The following PHACTR1 variants were observed in gnomAD, a reference collection of about 807,000 sequenced individuals.
PHACTR1 encodes phosphatase and actin regulator 1.
Under a neutral mutation model 69.2 loss-of-function variants are expected in PHACTR1, and 16 were observed. The observed-to-expected ratio is 0.23, with a 90% confidence interval of 0.16 to 0.35. The LOEUF is 0.35. Ranked by LOEUF, PHACTR1 falls within the 10% of genes least tolerant of loss-of-function variation. The pLI is 1.00. For missense variants in PHACTR1, 510 were observed against 734.7 expected (o/e 0.69, Z 3.54); for synonymous variants, 312 against 284.5 (o/e 1.10, Z -0.97).
chr6:12,992,456 AC>A (rs1243561118), intron 4 of PHACTR1, among the ~76,000 whole-genome samples: 2 of 152,190 alleles, frequency 1.3e-5, no homozygotes, highest in African/African-American at 4.8e-5. Context: ...AGAGGTCAGA[AC>A]AATCAGGTTC....
chr6:12,781,597 C>T (rs181248450), intron 4 of PHACTR1, among the ~76,000 whole-genome samples: 12 of 152,310 alleles, frequency 7.9e-5, no homozygotes, highest in South Asian at 2.1e-4. Context: ...TCCTAATCCA[C>T]GGGGGCTTAA....
rs574393781 is a variant in PHACTR1, at chr6:12,985,408, C to A, written c.251-67957C>A. ...TGGATCTCCTGTATACCAGTAAGTA[C>A]CTCCTGTAATTTTCTTCCCGATGAA... On this transcript the variant is annotated intron_variant, in intron 4 of 14. Transcript: ENST00000332995. Among the ~76,000 whole-genome samples, 4 of 151,912 alleles carry A rather than the reference C, an allele frequency of 2.6e-5. No homozygotes were observed. The East Asian group carries it at 5.8e-4, about 22-fold the overall frequency.
Position 13,226,803 on chromosome 6 carries a change from T to A in PHACTR1, c.987-1013T>A, listed in dbSNP as rs1251055171. ...GCCAGGCTGGAGTGCAGTGACACGA[T>A]CTTGGCTCACTGCAACCTCTGCCTC... On this transcript the variant is annotated intron_variant, in intron 8 of 14. Transcript: ENST00000332995. Among the ~76,000 whole-genome samples the A allele has an allele frequency of 2.7e-5, 4 of 150,908 alleles. No homozygotes were observed. In the East Asian group the frequency reaches 7.8e-4, roughly 29 times the overall value.
chr6:13,211,728 T>C lies in PHACTR1; in HGVS notation c.986+5592T>C, dbSNP rs140989344. Among the ~76,000 whole-genome samples, 387 of 152,288 alleles carry C rather than the reference T, an allele frequency of 2.5e-3. 2 individuals are homozygous for C. Among genetic ancestry groups the C allele is most frequent in the African/African-American group, 8.8e-3 (365 of 41,564 alleles). ...ACATACACAGGGATAAGACCAACAC[T>C]TCTACATGCTCCTTCTTCTCCTGCC... On this transcript the variant is annotated intron_variant, in intron 8 of 14. Coordinates refer to ENST00000332995, the MANE Select transcript of PHACTR1 (RefSeq NM_030948.6).
intron 4 of PHACTR1, among the ~76,000 whole-genome samples, chr6:12,911,810 A>T (rs768873785): frequency 1.3e-5 from 2 of 152,134 alleles, no homozygotes; most frequent in Non-Finnish European, 2.9e-5. Context: ...AAATAATCTC[A>T]TTGTCATTTA....
chr6:12,901,254 A>G (rs1023329175), intron 4 of PHACTR1, among the ~76,000 whole-genome samples: 8 of 152,222 alleles, frequency 5.3e-5, no homozygotes, highest in Admixed American at 5.2e-4. Flanking sequence ...TACCAAAAAC[A>G]TTACTACAGC....
chr6:12,881,939 G>A (rs1783140151), intron 4 of PHACTR1, among the ~76,000 whole-genome samples: 1 of 152,214 alleles, frequency 6.6e-6, no homozygotes, highest in Non-Finnish European at 1.5e-5. Flanking sequence ...TGAAGTCAGA[G>A]AGGTGGGAAA....
intron 8 of PHACTR1, among the ~76,000 whole-genome samples, chr6:13,211,147 G>A (rs1319133844): frequency 6.6e-6 from 1 of 151,594 alleles, no homozygotes; most frequent in East Asian, 1.9e-4. Context: ...ATCGTTTTTG[G>A]GAAACAGGTG....
intron 4 of PHACTR1, among the ~76,000 whole-genome samples, chr6:12,889,359 A>C (rs528348388): frequency 6.6e-5 from 10 of 152,362 alleles, no homozygotes; most frequent in Admixed American, 2.6e-4. Context: ...CTTCAGTAAG[A>C]TGAATGAGCC....
intron 5 of PHACTR1, among the ~76,000 whole-genome samples, chr6:13,134,815 AAAAAAAAT>A (rs1821290695): frequency 9.2e-6 from 1 of 108,330 alleles, no homozygotes; most frequent in African/African-American, 3.0e-5. Context: ...AAAAAAAAAA[AAAAAAAAT>A]TATCACAGTA....
At chr6:12,935,623 G>A (rs1287234090) in intron 4 of PHACTR1, among the ~76,000 whole-genome samples, 1 of 144,548 alleles carries the variant, frequency 6.9e-6, no homozygotes, top group Non-Finnish European at 1.6e-5. Context: ...TTTATGGTAT[G>A]CCCACGTGTG....
At chr6:13,112,766 G>A (rs1037225099) in intron 5 of PHACTR1, among the ~76,000 whole-genome samples, 2 of 152,050 alleles carry the variant, frequency 1.3e-5, no homozygotes, top group Admixed American at 6.6e-5. Flanking sequence ...TATAGATGCT[G>A]TATATTAGAC....
In PHACTR1 at chr6:12,863,656, A is replaced by G. The variant is rs557558882; in HGVS notation, c.250+113866A>G. Among the ~76,000 whole-genome samples, 166 of 152,350 alleles carry G rather than the reference A, an allele frequency of 1.1e-3. 2 individuals carry two copies. Among genetic ancestry groups the G allele is most frequent in the Non-Finnish European group, 1.7e-3 (113 of 68,030 alleles). On this transcript the variant is annotated intron_variant, in intron 4 of 14. Coordinates refer to ENST00000332995, the MANE Select transcript of PHACTR1 (RefSeq NM_030948.6). ...CCTGGGAGGACATTCTCAGGAAATA[A>G]ATGTGTTGTTTAAAAGTTAAGAAAA...
intron 5 of PHACTR1, among the ~76,000 whole-genome samples, chr6:13,081,660 C>CA (rs1042123488): frequency 1.8e-3 from 276 of 151,198 alleles, no homozygotes; most frequent in African/African-American, 5.2e-3. Flanking sequence ...CCATCTCTAA[C>CA]AAAAAAAAAT....
intron 4 of PHACTR1, among the ~76,000 whole-genome samples, chr6:13,049,455 A>G (rs928909868): frequency 6.6e-6 from 1 of 152,352 alleles, no homozygotes; most frequent in African/African-American, 2.4e-5. Context: ...TTTAACCTGT[A>G]GCAGATGTTT....
chr6:12,994,089 T>TA (rs989037467), intron 4 of PHACTR1, among the ~76,000 whole-genome samples: 1 of 151,562 alleles, frequency 6.6e-6, no homozygotes, highest in Non-Finnish European at 1.5e-5. Context: ...AAAACAACAG[T>TA]AAAAAAAGAC....
chr6:12,931,134 AT>A (rs1433720398), intron 4 of PHACTR1, among the ~76,000 whole-genome samples: 1 of 152,116 alleles, frequency 6.6e-6, no homozygotes, highest in Admixed American at 6.5e-5. Flanking sequence ...TAAGATCGAA[AT>A]TTGCTTTTCT....
At chr6:12,758,043 C>T (rs377403569) in intron 4 of PHACTR1, among the ~76,000 whole-genome samples, 52 of 152,050 alleles carry the variant, frequency 3.4e-4, no homozygotes, top group African/African-American at 1.1e-3. Context: ...ACCCGAGAGG[C>T]GGAGGTTACA....
intron 4 of PHACTR1, among the ~76,000 whole-genome samples, chr6:12,989,173 C>T (rs1363830835): frequency 6.6e-6 from 1 of 152,178 alleles, no homozygotes; most frequent in Non-Finnish European, 1.5e-5. Flanking sequence ...TTCAGGTGGG[C>T]AAGCCATCTA....
Sources: gnomAD v4.1 joint callset for allele counts (sites outside exome capture counted in the v4.1 genomes callset) on GRCh38, gnomAD v4.1.1 for gene constraint, MANE v1.5 for transcripts, NCBI Gene and HGNC (gene_info 2026-07-23, HGNC 2026-07-21) for gene names.